The following ARHGAP15 variants were observed in gnomAD, a reference collection of about 807,000 sequenced individuals.
The protein encoded by ARHGAP15 is Rho GTPase activating protein 15, also known as rho GTPase-activating protein 15.
ARHGAP15 carries 51 observed loss-of-function variants against 63.7 expected under a neutral mutation model. That is an observed-to-expected ratio of 0.80 (90% CI 0.64 to 1.01). ARHGAP15 has a LOEUF of 1.01. ARHGAP15 is among the 50% of genes least tolerant of loss of function. ARHGAP15 has a pLI of 0.00. For synonymous variants in ARHGAP15, 191 were observed against 193.8 expected, an observed-to-expected ratio of 0.99 and a Z score of 0.12; for missense variants, 560 against 564.6, an observed-to-expected ratio of 0.99 and a Z score of 0.08.
intron 9 of ARHGAP15, among the ~76,000 whole-genome samples, chr2:143,505,919 C>G (rs1693291859): frequency 1.3e-5 from 2 of 152,188 alleles, no homozygotes; most frequent in African/African-American, 4.8e-5. Context: ...ACCTAGCACT[C>G]AGCATTAGTG....
intron 6 of ARHGAP15, among the ~76,000 whole-genome samples, chr2:143,412,189 TG>T (rs773743885): frequency 5.3e-5 from 8 of 152,164 alleles, no homozygotes; most frequent in Non-Finnish European, 1.0e-4. Flanking sequence ...CGGAGGCAGG[TG>T]GAACAGTTCG....
intron 11 of ARHGAP15, among the ~76,000 whole-genome samples, chr2:143,622,319 G>A (rs1182496396): frequency 6.6e-6 from 1 of 152,080 alleles, no homozygotes; most frequent in Non-Finnish European, 1.5e-5. Flanking sequence ...TTAATCAGGA[G>A]TAAAACCAAT....
intron 6 of ARHGAP15, among the ~76,000 whole-genome samples, chr2:143,383,015 A>C (rs1425486752): frequency 6.6e-6 from 1 of 152,224 alleles, no homozygotes; most frequent in African/African-American, 2.4e-5. Flanking sequence ...AGTACCAGTA[A>C]CACTAGCCAT....
rs1359182165 is a variant in ARHGAP15 at position 143,164,345 on chromosome 2, C to T, written c.165+8690C>T. 4.6e-5 allele frequency among the ~76,000 whole-genome samples: 7 copies of T among 151,930 alleles called. No individual in the cohort carries two copies. In the South Asian group the frequency reaches 8.3e-4, roughly 18 times the overall value. On this transcript the variant is annotated intron_variant, in intron 2 of 13. Coordinates refer to ENST00000295095, the MANE Select transcript of ARHGAP15 (RefSeq NM_018460.4). ...ATGTAAGGCAAATACATTTTTTTTA[C>T]ATTAATGCATGTTACAACTAATTAG...
chr2:143,426,412 A>C (rs10928175), intron 6 of ARHGAP15, among the ~76,000 whole-genome samples: 135,209 of 152,026 alleles, frequency 0.89, 60,504 homozygotes, highest in Middle Eastern at 0.97. Flanking sequence ...TGAGACCTAC[A>C]GAAGTTGTGA....
chr2:143,131,164 G>A (rs1053642844), intron 1 of ARHGAP15, among the ~76,000 whole-genome samples: 5 of 152,130 alleles, frequency 3.3e-5, no homozygotes, highest in Non-Finnish European at 7.4e-5. Context: ...AATTAAGAAT[G>A]AATTGAAGAG....
chr2:143,531,607 A>G (rs1385216940), intron 10 of ARHGAP15, among the ~76,000 whole-genome samples: 1 of 152,236 alleles, frequency 6.6e-6, no homozygotes, highest in Admixed American at 6.5e-5. Flanking sequence ...GAGCTTGATC[A>G]GAGTAAAAGG....
chr2:143,455,308 T>A (rs1690596346), intron 8 of ARHGAP15, among the ~76,000 whole-genome samples: 1 of 152,104 alleles, frequency 6.6e-6, no homozygotes, highest in African/African-American at 2.4e-5. Flanking sequence ...TTATAGTTAG[T>A]GTATAAGGAG....
At chr2:143,395,663 T>C (rs1687725003) in intron 6 of ARHGAP15, among the ~76,000 whole-genome samples, 1 of 151,974 alleles carries the variant, frequency 6.6e-6, no homozygotes, top group African/African-American at 2.4e-5. Context: ...TAACCATGCA[T>C]GAGTGAAAAG....
chr2:143,307,178 T>C (rs1489931684), intron 6 of ARHGAP15, among the ~76,000 whole-genome samples: 2 of 152,132 alleles, frequency 1.3e-5, no homozygotes, highest in African/African-American at 4.8e-5. Flanking sequence ...GATCATCTTT[T>C]AAAGAGTGCT....
chr2:143,155,216 T>C (rs1690029939), intron 1 of ARHGAP15, among the ~76,000 whole-genome samples: 1 of 151,926 alleles, frequency 6.6e-6, no homozygotes, highest in South Asian at 2.1e-4. Context: ...AGTTTGTTAA[T>C]GGAATTAAGA....
chr2:143,413,875 A>ATGTTTTCTATG (rs1289422371), intron 6 of ARHGAP15, among the ~76,000 whole-genome samples: 1 of 150,338 alleles, frequency 6.7e-6, no homozygotes, highest in Non-Finnish European at 1.5e-5. Context: ...CTTGGCTCAC[A>ATGTTTTCTATG]TGTTTTCTAT....
chr2:143,734,365 A>C (rs2105492291), intron 13 of ARHGAP15, among the ~76,000 whole-genome samples: 1 of 152,276 alleles, frequency 6.6e-6, no homozygotes, highest in Middle Eastern at 3.4e-3. Context: ...TTAAGTGCTA[A>C]TTAATTACCA....
intron 8 of ARHGAP15, among the ~76,000 whole-genome samples, chr2:143,484,688 T>C (rs1160024703): frequency 1.3e-5 from 2 of 152,194 alleles, no homozygotes; most frequent in African/African-American, 4.8e-5. Flanking sequence ...ACATGAAACA[T>C]ATGTATAATG....
chr2:143,182,947 G>T (rs375937262), intron 2 of ARHGAP15, among the ~76,000 whole-genome samples: 1 of 152,142 alleles, frequency 6.6e-6, no homozygotes, highest in Non-Finnish European at 1.5e-5. Flanking sequence ...TCACTGGAAG[G>T]ATCAGGAGAC....
At chr2:143,672,196 A>G (rs1173282672) in intron 12 of ARHGAP15, among the ~76,000 whole-genome samples, 1 of 152,226 alleles carries the variant, frequency 6.6e-6, no homozygotes, top group African/African-American at 2.4e-5. Context: ...TATAAAATAT[A>G]GAGAGAGTCA....
intron 6 of ARHGAP15, among the ~76,000 whole-genome samples, chr2:143,368,219 T>C (rs566178520): frequency 1.3e-5 from 2 of 152,206 alleles, no homozygotes; most frequent in East Asian, 3.9e-4. Context: ...TGGAAAATAT[T>C]ACATGTTAAA....
chr2:143,320,469 C>T (rs2105222032), intron 6 of ARHGAP15, among the ~76,000 whole-genome samples: 1 of 137,760 alleles, frequency 7.3e-6, no homozygotes, highest in South Asian at 2.4e-4. Flanking sequence ...CACCCAGGGC[C>T]CAGAAATTTG....
intron 6 of ARHGAP15, among the ~76,000 whole-genome samples, chr2:143,407,098 C>G (rs1688229572): frequency 6.6e-6 from 1 of 151,918 alleles, no homozygotes; most frequent in African/African-American, 2.4e-5. Context: ...TTTATTCATG[C>G]TTATCCCTAT....
Sources: gnomAD v4.1 joint callset for allele counts (sites outside exome capture counted in the v4.1 genomes callset) on GRCh38, gnomAD v4.1.1 for gene constraint, MANE v1.5 for transcripts, NCBI Gene and HGNC (gene_info 2026-07-23, HGNC 2026-07-21) for gene names.